The following GRB10 variants were observed in gnomAD, a reference collection of about 807,000 sequenced individuals.
GRB10 encodes the protein growth factor receptor bound protein 10, also known as growth factor receptor-bound protein 10.
Under a neutral mutation model 80.9 loss-of-function variants are expected in GRB10, and 20 were observed. The observed-to-expected ratio is 0.25, with a 90% CI of 0.17 to 0.36. The LOEUF is 0.36. Among genes scored for constraint, GRB10 ranks in the 10% least tolerant of loss-of-function variants. GRB10 has a pLI of 1.00. For synonymous variants in GRB10, 291 were observed against 291.5 expected (o/e 1.00, Z 0.02); for missense variants, 548 against 747.7 (o/e 0.73, Z 3.12).
chr7:50,785,299 C>T (rs913877238), upstream of GRB10, among the ~76,000 whole-genome samples: 11 of 152,204 alleles, frequency 7.2e-5, no homozygotes, highest in Admixed American at 7.2e-4. Context: ...GACAGCTAAG[C>T]GAAGCCTCTA....
At chr7:50,768,373 T>A (rs2076584120) in intron 2 of GRB10, among the ~76,000 whole-genome samples, 1 of 152,226 alleles carries the variant, frequency 6.6e-6, no homozygotes, top group African/African-American at 2.4e-5. Context: ...GCTACCTCCT[T>A]CAATCCCCAA....
chr7:50,590,560 A>G lies in GRB10; in HGVS notation c.*2392T>C, dbSNP rs994534931. On this transcript the variant is annotated 3_prime_UTR_variant, in exon 19 of 19. Transcript: ENST00000401949. Reference sequence around the variant, plus strand: ...GGTTGCTACATGGAGTTTCATTTAGAAAAGAAAATCACAGGCAGAGATACA... The same window carrying G: ...GGTTGCTACATGGAGTTTCATTTAGGAAAGAAAATCACAGGCAGAGATACA... 1 of 152,666 alleles carries G rather than the reference A, an allele frequency of 6.6e-6. No individual in the cohort carries two copies. Among genetic ancestry groups the G allele is most frequent in the African/African-American group, 2.4e-5 (1 of 41,462 alleles). 9.5% of individuals were successfully genotyped at this position (152,666 alleles called of 1,614,324 possible). A position where few individuals can be genotyped will look rare whatever the true frequency, so the allele number is the denominator to read the frequency against.
rs755018317 is a variant in GRB10 at position 50,610,300 on chromosome 7, G to A, written c.1194+2441C>T. Among the ~76,000 whole-genome samples, 68 of 152,310 alleles carry A rather than the reference G, an allele frequency of 4.5e-4. 1 individual carries two copies. The highest frequency in any genetic ancestry group is 6.8e-3 in the Middle Eastern group (2 of 294). ...GCCGACAACACTCAAATGGCGTTTC[G>A]ATTGCATTACAATCCTATGGCTATT... On this transcript the variant is annotated intron_variant, in intron 13 of 18. Transcript: ENST00000401949.
At chr7:50,667,728 A>C (rs1017113606) in intron 7 of GRB10, among the ~76,000 whole-genome samples, 7 of 152,120 alleles carry the variant, frequency 4.6e-5, no homozygotes, top group Non-Finnish European at 8.8e-5. Flanking sequence ...AGTGAGAAAC[A>C]TCCTTCCTGG....
chr7:50,616,721 G>T (rs2050709524), intron 10 of GRB10, among the ~76,000 whole-genome samples: 1 of 152,112 alleles, frequency 6.6e-6, no homozygotes, highest in Non-Finnish European at 1.5e-5. Flanking sequence ...TTTTACCCAG[G>T]CACCCCTCCA....
rs577418422 is a variant in GRB10, at chr7:50,590,777, C to T, written c.*2175G>A. ...TCTGCCGCCACGTGGAGGCGGTTTA[C>T]ATTCTCCAACAATTCACTTCGGCAG... On this transcript the variant is annotated 3_prime_UTR_variant, in exon 19 of 19. Coordinates refer to ENST00000401949, the MANE Select transcript of GRB10 (RefSeq NM_001350814.2). 6.6e-6 allele frequency: 1 copy of T among 152,610 alleles called. No homozygotes were observed. The highest frequency in any genetic ancestry group is 2.4e-5 in the African/African-American group (1 of 41,584). The allele number at this position is 152,610 out of a possible 1,614,324, so 9.5% of individuals were successfully genotyped here.
intron 5 of GRB10, among the ~76,000 whole-genome samples, chr7:50,690,737 C>T (rs904623975): frequency 6.6e-6 from 1 of 152,242 alleles, no homozygotes; most frequent in African/African-American, 2.4e-5. Flanking sequence ...AAAGCAAACA[C>T]ACCAGGGGAA....
At chr7:50,712,204 C>A (rs533344050) in intron 4 of GRB10, among the ~76,000 whole-genome samples, 18 of 152,314 alleles carry the variant, frequency 1.2e-4, no homozygotes, top group African/African-American at 4.1e-4. Context: ...ATGGAAATAA[C>A]CTTCATAATA....
Position 50,624,182 on chromosome 7 carries a change from G to A in GRB10, c.661+2640C>T, listed in dbSNP as rs936802920. On this transcript the variant is annotated intron_variant, in intron 8 of 18. Coordinates refer to ENST00000401949, the MANE Select transcript of GRB10 (RefSeq NM_001350814.2). The stretch of plus-strand genomic sequence containing the variant: ...CTTTTGCCCCAGCCACCAGCCTGGC[G>A]TATGTACACATCCCTGTGAGAATAC... Among the ~76,000 whole-genome samples the A allele has an allele frequency of 2.6e-5, 4 of 152,290 alleles. 1 individual carries two copies. The South Asian group carries it at 6.2e-4, about 24-fold the overall frequency.
intron 5 of GRB10, among the ~76,000 whole-genome samples, chr7:50,684,887 C>T (rs568952978): frequency 3.3e-4 from 50 of 152,216 alleles, no homozygotes; most frequent in African/African-American, 1.2e-3. Flanking sequence ...AGCAGAAGTA[C>T]AAGAAACTAT....
upstream of GRB10, among the ~76,000 whole-genome samples, chr7:50,784,893 CAAG>C (rs1455622850): frequency 1.3e-5 from 2 of 152,212 alleles, no homozygotes; most frequent in Non-Finnish European, 2.9e-5. Context: ...GAGTCCAAAA[CAAG>C]AAGATTAATC....
At chr7:50,693,202 A>G (rs1473825279) in intron 5 of GRB10, among the ~76,000 whole-genome samples, 1 of 152,230 alleles carries the variant, frequency 6.6e-6, no homozygotes, top group Non-Finnish European at 1.5e-5. Context: ...AATGTTGCTA[A>G]GAATGGCTTC....
intron 5 of GRB10, among the ~76,000 whole-genome samples, chr7:50,694,590 G>C (rs2063218302): frequency 6.6e-6 from 1 of 152,130 alleles, no homozygotes. Context: ...GATCTCACAG[G>C]ATGAAGAATC....
In GRB10 at chr7:50,669,881, G is replaced by A. The variant is rs748914065; in HGVS notation, c.363-18C>T. 4 of 1,602,434 alleles carry A rather than the reference G, an allele frequency of 2.5e-6. No individual in the cohort carries two copies. Among genetic ancestry groups the A allele is most frequent in the Non-Finnish European group, 2.6e-6 (3 of 1,174,082 alleles). ...GAAGGCGCCTGGAAGGCAGGGATAA[G>A]TGCCTGTTAAAAGCTGCCATTCCCC... On this transcript the variant is annotated intron_variant, in intron 6 of 18. Transcript: ENST00000401949.
chr7:50,592,064 C>A lies in GRB10; in HGVS notation c.*888G>T, dbSNP rs1479797882. The A allele has an allele frequency of 6.6e-6, 1 of 152,248 alleles. No individual in the cohort carries two copies. The highest frequency in any genetic ancestry group is 2.4e-5 in the African/African-American group (1 of 41,460). The allele number at this position is 152,248 out of a possible 1,614,324, so 9.4% of individuals were successfully genotyped here. On this transcript the variant is annotated 3_prime_UTR_variant, in exon 19 of 19. Coordinates refer to ENST00000401949, the MANE Select transcript of GRB10 (RefSeq NM_001350814.2). ...GTACCCAGGTGGATTATGCAGCATC[C>A]ACCGCTGGCCGATGACGGGTGCCAG...
intron 7 of GRB10, among the ~76,000 whole-genome samples, chr7:50,659,424 C>T (rs543910380): frequency 2.0e-4 from 30 of 152,264 alleles, no homozygotes; most frequent in Admixed American, 1.4e-3. Flanking sequence ...CCTAGCCAAG[C>T]CCCCCTTTGA....
At chr7:50,755,854 G>A (rs1224907124) in intron 3 of GRB10, 33 bp downstream of exon 3, 2 of 398,582 alleles carry the variant, frequency 5.0e-6, no homozygotes, top group East Asian at 3.6e-5. Flanking sequence ...GCAAAGAAAG[G>A]CACTAGTGAC....
At chr7:50,658,895 G>A (rs377005906) in intron 7 of GRB10, among the ~76,000 whole-genome samples, 5 of 152,314 alleles carry the variant, frequency 3.3e-5, no homozygotes, top group Admixed American at 6.5e-5. Flanking sequence ...GTGCCGTCAC[G>A]TCGGGCCTTC....
At chr7:50,713,319 C>T (rs987389534) in intron 4 of GRB10, among the ~76,000 whole-genome samples, 1 of 151,992 alleles carries the variant, frequency 6.6e-6, no homozygotes, top group Non-Finnish European at 1.5e-5. Flanking sequence ...TCCACCAGCA[C>T]TCCACCCCTT....
Sources: allele counts gnomAD v4.1 joint callset (sites outside exome capture counted in the v4.1 genomes callset), GRCh38; gene constraint gnomAD v4.1.1; transcripts MANE v1.5; gene names NCBI Gene and HGNC (gene_info 2026-07-23, HGNC 2026-07-21).